The following RNF24 variants were observed in gnomAD, a reference collection of about 807,000 sequenced individuals.
RNF24 encodes ring finger protein 24.
A neutral mutation model predicts 20.0 loss-of-function variants in RNF24; 14 were observed. That is an observed-to-expected ratio of 0.70 (90% CI 0.46 to 1.10). The LOEUF (loss-of-function observed/expected upper bound fraction) is 1.10. Among genes scored for constraint, RNF24 ranks in the 50% least tolerant of loss-of-function variants. The pLI is 0.00. For synonymous variants in RNF24, 45 were observed against 61.1 expected, an observed-to-expected ratio of 0.74 and a Z score of 1.23; for missense variants, 124 against 177.6, an observed-to-expected ratio of 0.70 and a Z score of 1.71.
intron 1 of RNF24, among the ~76,000 whole-genome samples, chr20:3,987,131 ATTGTTTTTTG>A (rs1444630516): frequency 3.0e-4 from 46 of 152,202 alleles, no homozygotes; most frequent in African/African-American, 1.1e-3. Context: ...TACATGATTC[ATTGTTTTTTG>A]ATTAATTGAT....
At chr20:3,955,927 A>G (rs1364442239) in intron 2 of RNF24, among the ~76,000 whole-genome samples, 1 of 151,958 alleles carries the variant, frequency 6.6e-6, no homozygotes, top group East Asian at 1.9e-4. Context: ...TCCTTTTCAG[A>G]TTGTTCATTG....
intron 1 of RNF24, among the ~76,000 whole-genome samples, chr20:3,986,684 G>A (rs1412237686): frequency 6.9e-6 from 1 of 144,980 alleles, no homozygotes; most frequent in Non-Finnish European, 1.5e-5. Flanking sequence ...GTCTCACTTT[G>A]TCACCCAGGC....
intron 1 of RNF24, among the ~76,000 whole-genome samples, chr20:3,977,863 CAAA>C (rs1244052901): frequency 1.5e-4 from 7 of 47,436 alleles, no homozygotes; most frequent in African/African-American, 1.6e-4. Flanking sequence ...GACTCCGTCT[CAAA>C]AAAAAAAAAA....
intron 1 of RNF24, 49 bp from the exon 2 acceptor site, chr20:3,964,073 C>A (rs767001843): frequency 1.9e-6 from 3 of 1,548,424 alleles, no homozygotes; most frequent in South Asian, 1.1e-5. Context: ...GACTAAGAAC[C>A]AAGACAGCAT....
At chr20:3,967,009 T>G (rs181766990) in intron 1 of RNF24, among the ~76,000 whole-genome samples, 1 of 152,170 alleles carries the variant, frequency 6.6e-6, no homozygotes, top group Admixed American at 6.5e-5. Flanking sequence ...TTTAGGAATT[T>G]TTCTCTCTTT....
chr20:3,979,583 G>A (rs1600685162), intron 1 of RNF24, among the ~76,000 whole-genome samples: 1 of 152,158 alleles, frequency 6.6e-6, no homozygotes, highest in Admixed American at 6.5e-5. Flanking sequence ...GCTGAGGCAG[G>A]AGAATCCCTT....
chr20:3,975,577 T>C (rs972285110), intron 1 of RNF24, among the ~76,000 whole-genome samples: 1 of 148,964 alleles, frequency 6.7e-6, no homozygotes, highest in Non-Finnish European at 1.5e-5. Flanking sequence ...TGAATTGTGT[T>C]CTCAAAAAGA....
chr20:3,940,077 GC>G (rs1484252803), intron 4 of RNF24, among the ~76,000 whole-genome samples: 5 of 152,012 alleles, frequency 3.3e-5, no homozygotes, highest in Non-Finnish European at 7.4e-5. Context: ...TCCTGCCTCA[GC>G]CTCCTGAGTA....
intron 2 of RNF24, 86 bp downstream of exon 2, chr20:3,963,789 T>C: frequency 1.4e-5 from 17 of 1,215,150 alleles, no homozygotes; most frequent in Non-Finnish European, 1.7e-5. Flanking sequence ...ATTATCATAC[T>C]TCATTTTAAA....
intron 4 of RNF24, among the ~76,000 whole-genome samples, chr20:3,943,042 C>A (rs140735214): frequency 6.6e-6 from 1 of 151,180 alleles, no homozygotes; most frequent in Non-Finnish European, 1.5e-5. Flanking sequence ...TCTTGAACTC[C>A]TGACCACAGG....
rs1466101202 is a variant in RNF24 at position 3,932,576 on chromosome 20, C to T, written c.*1487G>A. 1.5e-5 allele frequency: 3 copies of T among 204,996 alleles called. No individual in the cohort carries two copies. Among genetic ancestry groups the T allele is most frequent in the African/African-American group, 2.3e-5 (1 of 43,754 alleles). 12.7% of individuals were successfully genotyped at this position (204,996 alleles called of 1,614,324 possible). On this transcript the variant is annotated 3_prime_UTR_variant, in exon 6 of 6. Coordinates refer to ENST00000358395, the MANE Select transcript of RNF24 (RefSeq NM_001134337.3). ...CAGAGGTTGGATTCCAGAAAAAAAT[C>T]CTGGAGTCATGCCAAGAGCAGAGTA...
At chr20:3,939,671 G>C (rs1263360620) in intron 4 of RNF24, among the ~76,000 whole-genome samples, 1 of 152,070 alleles carries the variant, frequency 6.6e-6, no homozygotes, top group African/African-American at 2.4e-5. Context: ...GATTCTTTTG[G>C]CTATTCTGGA....
At chr20:4,006,786 C>T (rs1981906630) in intron 1 of RNF24, among the ~76,000 whole-genome samples, 1 of 152,236 alleles carries the variant, frequency 6.6e-6, no homozygotes, top group African/African-American at 2.4e-5. Context: ...CCTTAGGGCA[C>T]ATGGAGGGCC....
Position 3,935,045 on chromosome 20 carries a change from T to C in RNF24, c.257A>G (p.Lys86Arg), listed in dbSNP as rs774196615. 9.9e-6 allele frequency: 16 copies of C among 1,614,022 alleles called. No homozygotes were observed. The South Asian group carries it at 1.3e-4, about 13-fold the overall frequency. ...ELCAVCLEDFKPRDELGICPC... is the reference protein window; with the variant it reads ...ELCAVCLEDFRPRDELGICPC... ...GCAAATCCCCAACTCATCTCGAGGCTTGAAGTCTTCTAGGCACACTGCACA... is the reference window on the plus strand; with the variant it reads ...GCAAATCCCCAACTCATCTCGAGGCCTGAAGTCTTCTAGGCACACTGCACA... The change falls in exon 5 of 6, where the codon AAG becomes AGG. Residue 86 changes from lysine (K) to arginine (R), a missense_variant. By Grantham distance (26) the Lys-to-Arg change is conservative (BLOSUM62 2). Transcript: ENST00000358395.
intron 1 of RNF24, among the ~76,000 whole-genome samples, chr20:3,998,009 C>T (rs1600710593): frequency 6.6e-6 from 1 of 152,230 alleles, no homozygotes; most frequent in Non-Finnish European, 1.5e-5. Flanking sequence ...AAACTACATC[C>T]AAAAATTTGA....
At chr20:3,971,093 A>T (rs556358553) in intron 1 of RNF24, among the ~76,000 whole-genome samples, 2 of 152,298 alleles carry the variant, frequency 1.3e-5, no homozygotes, top group Admixed American at 6.5e-5. Context: ...TTCTTTGCAG[A>T]GGTAATTGAG....
At chr20:3,943,985 G>C (rs1346712092) in intron 4 of RNF24, among the ~76,000 whole-genome samples, 2 of 152,094 alleles carry the variant, frequency 1.3e-5, no homozygotes, top group African/African-American at 4.8e-5. Context: ...CGAGGTGGGT[G>C]GATTACGTGA....
intron 1 of RNF24, among the ~76,000 whole-genome samples, chr20:4,009,489 G>A (rs1006954791): frequency 6.6e-6 from 1 of 152,118 alleles, no homozygotes; most frequent in Non-Finnish European, 1.5e-5. Context: ...GCTTGCCTCC[G>A]ACAGGAGACA....
intron 3 of RNF24, 108 bp from the exon 4 acceptor site, chr20:3,945,326 C>T: frequency 9.6e-7 from 1 of 1,043,476 alleles, no homozygotes; most frequent in Non-Finnish European, 1.4e-6. Context: ...TCATTTCCCT[C>T]ATATTCAATA....
Sources: allele counts gnomAD v4.1 joint callset (sites outside exome capture counted in the v4.1 genomes callset), GRCh38; gene constraint gnomAD v4.1.1; transcripts MANE v1.5; gene names NCBI Gene and HGNC (gene_info 2026-07-23, HGNC 2026-07-21).